The following RP1 variants were observed in gnomAD, a reference collection of about 807,000 sequenced individuals.
The protein encoded by RP1 is oxygen-regulated protein 1.
In RP1, 16 loss-of-function variants were observed where a neutral mutation model predicts 14.8. That is an observed-to-expected ratio of 1.08 (90% CI 0.73 to 1.65). The LOEUF (loss-of-function observed/expected upper bound fraction) is 1.65. Ranked by LOEUF, RP1 falls within the 40% of genes most tolerant of loss-of-function variation. The pLI, the probability that RP1 is intolerant of heterozygous loss-of-function variation, is 0.00. For synonymous variants in RP1, 876 were observed against 883.6 expected, an observed-to-expected ratio of 0.99 and a Z score of 0.15; for missense variants, 2,631 against 2,535.0, an observed-to-expected ratio of 1.04 and a Z score of -0.81.
chr8:54,661,289 A>AATGATATATATATGATATATC (rs1563340575), intron 6 of RP1, among the ~76,000 whole-genome samples: 14 of 132,664 alleles, frequency 1.1e-4, no homozygotes, highest in Admixed American at 4.8e-4. Context: ...TATGATATAT[A>AATGATATATATATGATATATC]AATGATATAT....
chr8:54,608,234 G>C (rs576237986), intron 1 of RP1, among the ~76,000 whole-genome samples: 1 of 150,552 alleles, frequency 6.6e-6, no homozygotes, highest in East Asian at 2.0e-4. Context: ...TGTTGCCCAG[G>C]CTGGAGTGTA....
intron 24 of RP1, among the ~76,000 whole-genome samples, chr8:54,806,122 G>T (rs775291258): frequency 2.4e-4 from 36 of 152,068 alleles, no homozygotes; most frequent in Non-Finnish European, 4.9e-4. Flanking sequence ...GGATTCAAGG[G>T]ATGCTCCTGC....
chr8:54,613,326 C>T (rs1340265667), upstream of RP1, among the ~76,000 whole-genome samples: 1 of 152,178 alleles, frequency 6.6e-6, no homozygotes, highest in Non-Finnish European at 1.5e-5. Flanking sequence ...ATAGTCTGAT[C>T]TCTGTCCTGG....
chr8:54,789,849 T>A (rs1339802952), intron 24 of RP1, among the ~76,000 whole-genome samples: 1 of 152,132 alleles, frequency 6.6e-6, no homozygotes, highest in Non-Finnish European at 1.5e-5. Context: ...ACCCACCCAA[T>A]AACCCTGCTG....
chr8:54,850,274 T>C (rs1812030272), intron 25 of RP1, among the ~76,000 whole-genome samples: 6 of 152,200 alleles, frequency 3.9e-5, no homozygotes, highest in Admixed American at 3.3e-4. Flanking sequence ...TCTTTGAATA[T>C]ATTCAGGTAA....
At chr8:54,732,644 G>T (rs1362376922) in intron 17 of RP1, among the ~76,000 whole-genome samples, 1 of 152,144 alleles carries the variant, frequency 6.6e-6, no homozygotes, top group East Asian at 1.9e-4. Context: ...TTTCTCTCTG[G>T]AACTCATGGA....
chr8:54,591,445 T>C (rs1256301797), intron 1 of RP1, among the ~76,000 whole-genome samples: 1 of 152,034 alleles, frequency 6.6e-6, no homozygotes, highest in South Asian at 2.1e-4. Flanking sequence ...CTTTGAATAG[T>C]TTTTTCTCTT....
At chr8:54,667,141 C>T (rs1484047142) in intron 7 of RP1, among the ~76,000 whole-genome samples, 1 of 151,902 alleles carries the variant, frequency 6.6e-6, no homozygotes, top group East Asian at 1.9e-4. Flanking sequence ...TATTTTTGTA[C>T]ATCCCCATGC....
chr8:54,613,638 C>T (rs1037289975), upstream of RP1, among the ~76,000 whole-genome samples: 5 of 152,028 alleles, frequency 3.3e-5, no homozygotes, highest in African/African-American at 9.6e-5. Context: ...CTTCATTCAG[C>T]GTGTTGATGT....
At chr8:54,631,845 A>ATTTT (rs36032942), downstream of RP1, among the ~76,000 whole-genome samples, 2 of 146,064 alleles carry the variant, frequency 1.4e-5, no homozygotes, top group East Asian at 4.0e-4. Flanking sequence ...AAGGGATAAG[A>ATTTT]TTTTTTTTTT....
chr8:54,713,475 C>A (rs1262644484), intron 15 of RP1, among the ~76,000 whole-genome samples: 1 of 152,184 alleles, frequency 6.6e-6, no homozygotes, highest in South Asian at 2.1e-4. Flanking sequence ...GATATGCACA[C>A]AGACATACCC....
chr8:54,624,021 C>T (rs1169188314), intron 3 of RP1, among the ~76,000 whole-genome samples: 1 of 152,058 alleles, frequency 6.6e-6, no homozygotes, highest in East Asian at 1.9e-4. Flanking sequence ...ATTAAAATTA[C>T]CTTATTAAAC....
intron 1 of RP1, among the ~76,000 whole-genome samples, chr8:54,571,381 G>A (rs900342757): frequency 3.3e-5 from 5 of 152,180 alleles, no homozygotes; most frequent in Non-Finnish European, 7.3e-5. Context: ...CCTGCTCATG[G>A]CTGTGTCCTG....
chr8:54,744,847 T>A (rs897119003), intron 19 of RP1, among the ~76,000 whole-genome samples: 4 of 152,212 alleles, frequency 2.6e-5, no homozygotes, highest in Non-Finnish European at 4.4e-5. Context: ...TTATATTGCA[T>A]GGACCATGCT....
At chr8:54,581,924 T>G (rs931137723) in intron 1 of RP1, among the ~76,000 whole-genome samples, 18 of 152,226 alleles carry the variant, frequency 1.2e-4, no homozygotes, top group African/African-American at 2.7e-4. Context: ...ATGAGTAGAT[T>G]GCAAAAATTG....
chr8:54,614,318 A>G (rs1005573380), upstream of RP1, among the ~76,000 whole-genome samples: 5 of 152,242 alleles, frequency 3.3e-5, no homozygotes, highest in Admixed American at 3.3e-4. Flanking sequence ...AGGCCATGGC[A>G]ATTGAAGTCA....
At chr8:54,645,528 AT>A (rs1806528002) in intron 3 of RP1, among the ~76,000 whole-genome samples, 1 of 152,094 alleles carries the variant, frequency 6.6e-6, no homozygotes, top group South Asian at 2.1e-4. Flanking sequence ...AATTACATTG[AT>A]TGGCTGCTTA....
intron 12 of RP1, among the ~76,000 whole-genome samples, chr8:54,686,155 C>T (rs1230066983): frequency 6.6e-6 from 1 of 152,090 alleles, no homozygotes; most frequent in Non-Finnish European, 1.5e-5. Context: ...AGTAATTTTC[C>T]TCAATGTAAC....
chr8:54,579,706 T>A (rs569520048), intron 1 of RP1, among the ~76,000 whole-genome samples: 13 of 152,350 alleles, frequency 8.5e-5, no homozygotes, highest in African/African-American at 3.1e-4. Context: ...TGCATCAGGC[T>A]GCTGTTCCTT....
Sources: allele counts gnomAD v4.1 joint callset (sites outside exome capture counted in the v4.1 genomes callset), GRCh38; gene constraint gnomAD v4.1.1; transcripts MANE v1.5; gene names NCBI Gene and HGNC (gene_info 2026-07-23, HGNC 2026-07-21).